Variants in ARHGAP19 observed in about 807,000 individuals in gnomAD.
ARHGAP19 encodes the protein rho GTPase-activating protein 19.
In ARHGAP19, 48 loss-of-function variants were observed where a neutral mutation model predicts 60.9. That is an observed-to-expected ratio of 0.79 (90% confidence interval 0.62 to 1.00). The LOEUF (loss-of-function observed/expected upper bound fraction) is 1.00. Among genes scored for constraint, ARHGAP19 ranks in the 50% least tolerant of loss-of-function variants. The probability of loss-of-function intolerance (pLI) is 0.00; values close to 1 mark genes in which losing one functional copy is unlikely to be tolerated. For synonymous variants in ARHGAP19, 209 were observed against 215.5 expected, an observed-to-expected ratio of 0.97 and a Z score of 0.27; for missense variants, 562 against 597.2, an observed-to-expected ratio of 0.94 and a Z score of 0.61.
Position 97,243,959 on chromosome 10 carries a change from T to C in ARHGAP19, c.1185+9A>G. On this transcript the variant is annotated intron_variant, in intron 8 of 11. Transcript: ENST00000358531. Reference sequence around the variant, plus strand: ...AAAGCCCCATCACAACTTCCCTGCCTTTAGGCACCTGTCTAATAAGTTGTT... The same window carrying C: ...AAAGCCCCATCACAACTTCCCTGCCCTTAGGCACCTGTCTAATAAGTTGTT... 1 of 1,597,692 alleles carries C rather than the reference T, an allele frequency of 6.3e-7. No homozygotes were observed. Among genetic ancestry groups the C allele is most frequent in the Non-Finnish European group, 8.5e-7 (1 of 1,171,584 alleles).
intron 6 of ARHGAP19, among the ~76,000 whole-genome samples, chr10:97,251,230 A>C (rs1195364856): frequency 3.4e-4 from 7 of 20,538 alleles, no homozygotes; most frequent in African/African-American, 1.4e-3. Context: ...TGGAAGGGGA[A>C]GGGAAGGGGA....
At chr10:97,291,478 G>T (rs1418737556) in intron 1 of ARHGAP19, among the ~76,000 whole-genome samples, 1 of 152,116 alleles carries the variant, frequency 6.6e-6, no homozygotes, top group Non-Finnish European at 1.5e-5. Context: ...ATTTTTAGTA[G>T]AGACGGGCTT....
chr10:97,253,513 T>G (rs78610264), intron 6 of ARHGAP19, among the ~76,000 whole-genome samples: 6,568 of 152,104 alleles, frequency 0.043, 214 homozygotes, highest in Non-Finnish European at 0.061. Flanking sequence ...AGAGTAAAGA[T>G]CGGTTGGTCA....
At chr10:97,258,362 C>A (rs1034110580) in intron 5 of ARHGAP19, among the ~76,000 whole-genome samples, 1 of 152,106 alleles carries the variant, frequency 6.6e-6, no homozygotes, top group Non-Finnish European at 1.5e-5. Context: ...CCCATCTCTA[C>A]TAAAAATACA....
intron 8 of ARHGAP19, among the ~76,000 whole-genome samples, chr10:97,237,282 A>AC (rs1661472488): frequency 5.3e-5 from 8 of 150,752 alleles, no homozygotes; most frequent in African/African-American, 1.2e-4. Context: ...AAAAAAAAAA[A>AC]CTCAGTCTAC....
rs757909991 is a variant in ARHGAP19 at position 97,229,786 on chromosome 10, G to T, written c.1373C>A (p.Thr458Asn). The change falls in exon 10 of 12, where the codon ACC (threonine) becomes AAC (asparagine). Residue 458 changes from threonine (T) to asparagine (N), a missense_variant. Coordinates refer to ENST00000358531, the MANE Select transcript of ARHGAP19 (RefSeq NM_032900.6). ...ESVAIGELKG[T>N]SKENRNLLFS... ...TACTAAGTTCCTATTTTCTTTGCTG[G>T]TTCCCTTCAATTCACCAATGGCCAC... The T allele has an allele frequency of 6.2e-7, 1 of 1,608,654 alleles. No individual in the cohort carries two copies. The highest frequency in any genetic ancestry group is 1.3e-5 in the African/African-American group (1 of 74,790).
intron 1 of ARHGAP19, among the ~76,000 whole-genome samples, chr10:97,273,113 T>C (rs1347882522): frequency 1.3e-5 from 2 of 152,190 alleles, no homozygotes; most frequent in Admixed American, 6.5e-5. Flanking sequence ...GTGCTGGGAT[T>C]ACAGGCGTGA....
intron 1 of ARHGAP19, chr10:97,270,749 A>C: frequency 7.3e-7 from 1 of 1,372,846 alleles, no homozygotes; most frequent in South Asian, 1.4e-5. Flanking sequence ...AGAGGATACA[A>C]GGGCACATTA....
At chr10:97,286,842 G>A (rs1441563210) in intron 1 of ARHGAP19, among the ~76,000 whole-genome samples, 2 of 152,294 alleles carry the variant, frequency 1.3e-5, no homozygotes, top group South Asian at 2.1e-4. Flanking sequence ...CAATTATGAG[G>A]AGAAGTAGCT....
At chr10:97,237,745 C>T (rs1026489230) in intron 8 of ARHGAP19, among the ~76,000 whole-genome samples, 1 of 151,980 alleles carries the variant, frequency 6.6e-6, no homozygotes, top group Non-Finnish European at 1.5e-5. Flanking sequence ...GTGGTGGGCG[C>T]CTGTAATCCC....
In ARHGAP19 at chr10:97,292,610, C is replaced by T. The variant is rs2134941824; in HGVS notation, c.18G>A (p.Gln6=). Residue 6 remains glutamine, a synonymous_variant, in exon 1 of 12, where the codon CAG becomes CAA. Coordinates refer to ENST00000358531, the MANE Select transcript of ARHGAP19 (RefSeq NM_032900.6). The part of the protein sequence containing the change: MATEA[Q]SEGEVPARES... ...CGCGGGCTGGCACCTCCCCTTCACT[C>T]TGTGCCTCAGTCGCCATCTTCGTCA... 6.2e-7 allele frequency: 1 copy of T among 1,614,242 alleles called. No homozygotes were observed. Among genetic ancestry groups the T allele is most frequent in the Non-Finnish European group, 8.5e-7 (1 of 1,180,050 alleles).
intron 1 of ARHGAP19, among the ~76,000 whole-genome samples, chr10:97,282,428 C>T (rs1320997546): frequency 6.6e-6 from 1 of 152,228 alleles, no homozygotes; most frequent in Non-Finnish European, 1.5e-5. Context: ...TTAAACCATA[C>T]TTGATTTATC....
Position 97,226,140 on chromosome 10 carries a change from G to A in ARHGAP19, c.1475-8C>T, listed in dbSNP as rs545378927. On this transcript the variant is annotated splice_region_variant and splice_polypyrimidine_tract_variant and intron_variant, in intron 11 of 11. Transcript: ENST00000358531. Reference sequence around the variant, plus strand: ...GGATCCTTCAGAGAAATCCTAGGTTGAAGGAAAAACAAGAGCGTTAGACAT... The same window carrying A: ...GGATCCTTCAGAGAAATCCTAGGTTAAAGGAAAAACAAGAGCGTTAGACAT... The A allele has an allele frequency of 1.9e-6, 3 of 1,613,584 alleles. No homozygotes were observed. In the African/African-American group the frequency reaches 4.0e-5, roughly 22 times the overall value.
In ARHGAP19 at chr10:97,263,637, G is replaced by A. The variant is rs777376939; in HGVS notation, c.404-8C>T. ...AACCCTCTACTCGCAAGTCTGTTTA[G>A]CATAAAACAAAGCAGAGGACAGGCA... On this transcript the variant is annotated splice_polypyrimidine_tract_variant and splice_region_variant and intron_variant, in intron 3 of 11. Transcript: ENST00000358531. 4.3e-6 allele frequency: 7 copies of A among 1,613,630 alleles called. No individual in the cohort carries two copies. The East Asian group carries it at 1.6e-4, about 36-fold the overall frequency.
rs1488361598 is a variant in ARHGAP19 at position 97,264,859 on chromosome 10, G to C, written c.370C>G (p.Gln124Glu). The C allele has an allele frequency of 6.2e-7, 1 of 1,612,150 alleles. No individual in the cohort carries two copies. The highest frequency in any genetic ancestry group is 8.5e-7 in the Non-Finnish European group (1 of 1,179,136). ...GSPLTEEGIA[Q>E]IYQLIEYLHK... Reference sequence around the variant, plus strand: ...AGATACTCAATCAGTTGGTATATCTGGGCAATGCCTTCCTCCGTCAGTGGG... The same window carrying C: ...AGATACTCAATCAGTTGGTATATCTCGGCAATGCCTTCCTCCGTCAGTGGG... The change falls in exon 3 of 12, where the codon CAG (glutamine) becomes GAG (glutamate). Residue 124 changes from glutamine (Q) to glutamate (E), a missense_variant. By Grantham distance (29) the Gln-to-Glu change is conservative. Coordinates refer to ENST00000358531, the MANE Select transcript of ARHGAP19 (RefSeq NM_032900.6).
chr10:97,289,972 A>C (rs1312063112), intron 1 of ARHGAP19, among the ~76,000 whole-genome samples: 1 of 152,202 alleles, frequency 6.6e-6, no homozygotes, highest in Non-Finnish European at 1.5e-5. Context: ...AAAATTTAGA[A>C]ATTTTTAAAG....
At chr10:97,242,250 C>T (rs1842496251) in intron 8 of ARHGAP19, among the ~76,000 whole-genome samples, 1 of 149,760 alleles carries the variant, frequency 6.7e-6, no homozygotes. Context: ...TTCTTCTTAT[C>T]CTTCTCTATA....
In ARHGAP19 at chr10:97,235,418, G is replaced by A. The variant is rs1851112365; in HGVS notation, c.1186-103C>T. ...TGTAAATAAAAGTCCAGGAAAAACT[G>A]AGTCTGCGCATAGATGGATTAGGAG... is the stretch of plus-strand genomic sequence containing the variant. On this transcript the variant is annotated intron_variant, in intron 8 of 11. Transcript: ENST00000358531. 51 of 1,015,372 alleles carry A rather than the reference G, an allele frequency of 5.0e-5. 2 individuals carry two copies. In the South Asian group the frequency reaches 7.2e-4, roughly 14 times the overall value. 62.9% of individuals were successfully genotyped at this position (1,015,372 alleles called of 1,614,324 possible).
Position 97,229,144 on chromosome 10 carries a change from T to C in ARHGAP19, c.1474+3A>G, listed in dbSNP as rs774505706. On this transcript the variant is annotated splice_donor_region_variant and intron_variant, in intron 11 of 11. Coordinates refer to ENST00000358531, the MANE Select transcript of ARHGAP19 (RefSeq NM_032900.6). ...AAGAACAGAGAGTAAGTACAATTAG[T>C]ACCTTTTTTCCCCTCTTTCTTCCCT... The C allele has an allele frequency of 3.8e-5, 62 of 1,611,766 alleles. No homozygotes were observed. The highest frequency in any genetic ancestry group is 5.2e-5 in the Non-Finnish European group (61 of 1,177,944).
Sources: allele counts gnomAD v4.1 joint callset (sites outside exome capture counted in the v4.1 genomes callset), GRCh38; gene constraint gnomAD v4.1.1; transcripts MANE v1.5; gene names NCBI Gene and HGNC (gene_info 2026-07-23, HGNC 2026-07-21).